NOL4L: variants seen among roughly 807,000 people sequenced by gnomAD.
NOL4L encodes the protein nucleolar protein 4 like.
NOL4L carries 7 observed loss-of-function variants against 64.5 expected under a neutral mutation model. That is an observed-to-expected ratio of 0.11 (90% CI 0.06 to 0.20). NOL4L has a LOEUF of 0.20. Ranked by LOEUF, NOL4L falls within the 10% of genes least tolerant of loss-of-function variation. NOL4L has a pLI of 1.00. For synonymous variants in NOL4L, 413 were observed against 401.0 expected (o/e 1.03, Z -0.36); for missense variants, 680 against 967.1 (o/e 0.70, Z 3.94).
chr20:32,520,744 C>G (rs575136728), intron 3 of NOL4L, 67 bp downstream of exon 3: 1 of 956,540 alleles, frequency 1.0e-6, no homozygotes, highest in Non-Finnish European at 1.6e-6. Context: ...CAAAAGCTGG[C>G]GTCTTCAGGG....
At chr20:32,536,574 G>A (rs2018533833) in intron 1 of NOL4L, among the ~76,000 whole-genome samples, 1 of 147,144 alleles carries the variant, frequency 6.8e-6, no homozygotes, top group East Asian at 2.0e-4. Context: ...CGCGCGCGCC[G>A]GGCTGGGTTC....
chr20:32,521,021 C>T lies in NOL4L; in HGVS notation c.478-99G>A, dbSNP rs2017914262. 4.7e-6 allele frequency: 3 copies of T among 634,898 alleles called. No homozygotes were observed. In the East Asian group the frequency reaches 9.4e-5, roughly 20 times the overall value. 39.3% of individuals were successfully genotyped at this position (634,898 alleles called of 1,614,324 possible). ...TGAGCTTTGGTGGCAGGTGCTTCGG[C>T]TCTTGCAAGGAAAGTCAGGGATTTG... On this transcript the variant is annotated intron_variant, in intron 2 of 10. Coordinates refer to ENST00000621426, the MANE Select transcript of NOL4L (RefSeq NM_001256798.2).
At chr20:32,477,678 A>G (rs567183896) in intron 4 of NOL4L, among the ~76,000 whole-genome samples, 50 of 152,338 alleles carry the variant, frequency 3.3e-4, no homozygotes, top group Admixed American at 2.4e-3. Flanking sequence ...TGGAGGGCAT[A>G]TGAAGCCCAG....
chr20:32,524,453 C>T (rs1320630338), intron 2 of NOL4L, among the ~76,000 whole-genome samples: 3 of 152,212 alleles, frequency 2.0e-5, no homozygotes, highest in Non-Finnish European at 4.4e-5. Flanking sequence ...AGCTCTTTTC[C>T]CTACCAAATA....
At chr20:32,567,547 C>T (rs945278039) in intron 1 of NOL4L, among the ~76,000 whole-genome samples, 6 of 152,208 alleles carry the variant, frequency 3.9e-5, no homozygotes, top group Admixed American at 3.9e-4. Context: ...TCATACACTT[C>T]CCCTGTGCTG....
At chr20:32,483,960 C>T (rs1385556941) in intron 4 of NOL4L, among the ~76,000 whole-genome samples, 5 of 151,192 alleles carry the variant, frequency 3.3e-5, no homozygotes, top group African/African-American at 9.7e-5. Flanking sequence ...GATCCTTGCA[C>T]GGGGCTGAGC....
At chr20:32,455,575 G>T (rs1357737125) in intron 6 of NOL4L, among the ~76,000 whole-genome samples, 3 of 152,320 alleles carry the variant, frequency 2.0e-5, no homozygotes, top group East Asian at 1.9e-4. Context: ...GTGGAAGTGT[G>T]GGGGAGGCCC....
chr20:32,462,851 G>A (rs1408190407), intron 5 of NOL4L, among the ~76,000 whole-genome samples: 4 of 135,622 alleles, frequency 2.9e-5, no homozygotes, highest in African/African-American at 1.1e-4. Context: ...GTTGCAGTGA[G>A]ACAAGATCGC....
At chr20:32,462,136 G>A (rs1428912218) in intron 5 of NOL4L, among the ~76,000 whole-genome samples, 2 of 152,204 alleles carry the variant, frequency 1.3e-5, no homozygotes, top group Non-Finnish European at 2.9e-5. Flanking sequence ...CGTGGTGCAG[G>A]GAGGCCCACG....
chr20:32,576,208 T>C (rs1035846789), intron 1 of NOL4L, among the ~76,000 whole-genome samples: 20 of 151,940 alleles, frequency 1.3e-4, no homozygotes, highest in African/African-American at 4.8e-4. Flanking sequence ...CCTCTGGCTG[T>C]TTGTGGGAAG....
intron 4 of NOL4L, among the ~76,000 whole-genome samples, chr20:32,494,281 A>AAC (rs60809317): frequency 1.5e-5 from 1 of 64,732 alleles, no homozygotes; most frequent in Non-Finnish European, 2.9e-5. Context: ...AAAAAAAAAA[A>AAC]ACACACAACA....
At chr20:32,495,541 C>A (rs1402529326) in intron 4 of NOL4L, among the ~76,000 whole-genome samples, 1 of 152,178 alleles carries the variant, frequency 6.6e-6, no homozygotes, top group Non-Finnish European at 1.5e-5. Context: ...TGACCCCTGA[C>A]CCACTCAACT....
chr20:32,551,145 G>A (rs1001986891), intron 1 of NOL4L, among the ~76,000 whole-genome samples: 2 of 152,016 alleles, frequency 1.3e-5, no homozygotes, highest in African/African-American at 4.8e-5. Flanking sequence ...GGAGGCCAAG[G>A]TAGGTGGATC....
intron 1 of NOL4L, among the ~76,000 whole-genome samples, chr20:32,560,866 G>C (rs1978967224): frequency 6.6e-6 from 1 of 152,258 alleles, no homozygotes; most frequent in South Asian, 2.1e-4. Context: ...CACCCAGTAG[G>C]AGCTTAGCCA....
chr20:32,539,191 C>T (rs2145595383), intron 1 of NOL4L, among the ~76,000 whole-genome samples: 1 of 152,318 alleles, frequency 6.6e-6, no homozygotes, highest in Non-Finnish European at 1.5e-5. Context: ...ACTGGGCACA[C>T]CCTGTCACGT....
At chr20:32,448,134 A>AAAT (rs1185796579) in intron 10 of NOL4L, among the ~76,000 whole-genome samples, 1 of 152,134 alleles carries the variant, frequency 6.6e-6, no homozygotes, top group Non-Finnish European at 1.5e-5. Flanking sequence ...TGGGAATGGG[A>AAAT]AATACTACTT....
intron 3 of NOL4L, among the ~76,000 whole-genome samples, chr20:32,513,838 T>C (rs2017522773): frequency 6.6e-6 from 1 of 152,102 alleles, no homozygotes; most frequent in Non-Finnish European, 1.5e-5. Flanking sequence ...AGAGACTGTG[T>C]CTCAACAACA....
intron 1 of NOL4L, among the ~76,000 whole-genome samples, chr20:32,532,908 A>G (rs548351037): frequency 6.6e-6 from 1 of 152,328 alleles, no homozygotes; most frequent in East Asian, 1.9e-4. Context: ...CCATGGTAAC[A>G]CACACCATCC....
intron 4 of NOL4L, among the ~76,000 whole-genome samples, chr20:32,499,642 G>A (rs2016836728): frequency 6.7e-6 from 1 of 150,188 alleles, no homozygotes; most frequent in South Asian, 2.1e-4. Context: ...AGTCAGCTGA[G>A]GCAGGAGAAT....
Sources: gnomAD v4.1 joint callset for allele counts (sites outside exome capture counted in the v4.1 genomes callset) on GRCh38, gnomAD v4.1.1 for gene constraint, MANE v1.5 for transcripts, NCBI Gene and HGNC (gene_info 2026-07-23, HGNC 2026-07-21) for gene names.